CNIH3: variants seen among roughly 807,000 people sequenced by gnomAD.
CNIH3 encodes protein cornichon homolog 3.
In CNIH3, 14 loss-of-function variants were observed where a neutral mutation model predicts 24.1. The observed-to-expected ratio is 0.58, with a 90% confidence interval of 0.38 to 0.91. The LOEUF is 0.91. Ranked by LOEUF, CNIH3 falls within the 40% of genes least tolerant of loss-of-function variation. The pLI is 0.00. For synonymous variants in CNIH3, 68 were observed against 73.8 expected (o/e 0.92, Z 0.40); for missense variants, 178 against 196.8 (o/e 0.90, Z 0.57).
chr1:224,563,048 GGTAT>G (rs1206675786), intron 3 of CNIH3, among the ~76,000 whole-genome samples: 1 of 152,134 alleles, frequency 6.6e-6, no homozygotes, highest in Admixed American at 6.5e-5. Context: ...TCCACTCCTA[GGTAT>G]GGAAGTGCCT....
At chr1:224,712,707 T>C (rs1688221015) in intron 3 of CNIH3, among the ~76,000 whole-genome samples, 1 of 152,208 alleles carries the variant, frequency 6.6e-6, no homozygotes, top group African/African-American at 2.4e-5. Context: ...GGGGACTCAC[T>C]TTGAAATCTC....
chr1:224,668,674 AG>A (rs1460362631), intron 1 of CNIH3, among the ~76,000 whole-genome samples: 1 of 152,164 alleles, frequency 6.6e-6, no homozygotes, highest in Non-Finnish European at 1.5e-5. Flanking sequence ...CAGAAGAAGG[AG>A]GGAGGCTGAA....
chr1:224,583,331 G>T (rs1681357245), intron 5 of CNIH3: 1 of 152,328 alleles, frequency 6.6e-6, no homozygotes, highest in Admixed American at 6.6e-5. Context: ...TTTGGGAGAG[G>T]GCCATGCCGG....
At chr1:224,666,033 C>A (rs902368998) in intron 1 of CNIH3, among the ~76,000 whole-genome samples, 2 of 152,070 alleles carry the variant, frequency 1.3e-5, no homozygotes, top group East Asian at 3.9e-4. Context: ...GGCAGCTTTC[C>A]CAAGGAGTTC....
chr1:224,583,669 G>A (rs922120315), intron 5 of CNIH3, among the ~76,000 whole-genome samples: 1 of 152,136 alleles, frequency 6.6e-6, no homozygotes, highest in Non-Finnish European at 1.5e-5. Flanking sequence ...CAATGCTGGG[G>A]CTCCTACCAT....
intron 2 of CNIH3, among the ~76,000 whole-genome samples, chr1:224,532,035 G>A (rs553039611): frequency 6.6e-6 from 1 of 152,156 alleles, no homozygotes; most frequent in African/African-American, 2.4e-5. Context: ...GGGGTGGGAG[G>A]GAAGTCAGAC....
chr1:224,506,083 A>G (rs1427666999), intron 1 of CNIH3, among the ~76,000 whole-genome samples: 3 of 152,174 alleles, frequency 2.0e-5, no homozygotes, highest in Non-Finnish European at 2.9e-5. Context: ...TGGTTTATAC[A>G]ATACTGAACA....
intron 1 of CNIH3, among the ~76,000 whole-genome samples, chr1:224,636,066 A>G (rs1269919418): frequency 6.6e-6 from 1 of 152,208 alleles, no homozygotes; most frequent in African/African-American, 2.4e-5. Context: ...ACAATACAGC[A>G]AGCCAAAACC....
At chr1:224,729,909 C>T (rs768277971) in intron 3 of CNIH3, among the ~76,000 whole-genome samples, 3 of 152,182 alleles carry the variant, frequency 2.0e-5, no homozygotes, top group Admixed American at 2.0e-4. Context: ...GTTTTTCTCG[C>T]GTTCCTCTTG....
At chr1:224,498,087 A>G (rs1558108960) in intron 1 of CNIH3, among the ~76,000 whole-genome samples, 1 of 152,208 alleles carries the variant, frequency 6.6e-6, no homozygotes, top group Non-Finnish European at 1.5e-5. Flanking sequence ...ATTCTGCAGC[A>G]GCAGTGCCTT....
intron 3 of CNIH3, among the ~76,000 whole-genome samples, chr1:224,714,133 G>T (rs1466432666): frequency 6.6e-6 from 1 of 152,106 alleles, no homozygotes; most frequent in Non-Finnish European, 1.5e-5. Flanking sequence ...ACTTTTAATT[G>T]GTGTATAACA....
upstream of CNIH3, among the ~76,000 whole-genome samples, chr1:224,612,312 GT>G (rs890908604): frequency 3.6e-4 from 54 of 151,624 alleles, 1 homozygote; most frequent in South Asian, 5.6e-3. The surrounding 1 kb of genome is among the most constrained non-coding windows in gnomAD (Gnocchi z 4.7). Context: ...CTTGGGGCCA[GT>G]TTTTTTTTCT....
intron 4 of CNIH3, among the ~76,000 whole-genome samples, chr1:224,566,597 T>G (rs1390784748): frequency 6.6e-6 from 1 of 152,184 alleles, no homozygotes; most frequent in Non-Finnish European, 1.5e-5. Flanking sequence ...CAACTCCCAC[T>G]TATGAGTGAG....
intron 5 of CNIH3, among the ~76,000 whole-genome samples, chr1:224,739,015 C>T (rs969917343): frequency 3.9e-5 from 6 of 152,126 alleles, no homozygotes; most frequent in African/African-American, 1.4e-4. Flanking sequence ...CCAGACCTGC[C>T]CTGCAATTGC....
chr1:224,545,060 C>T lies in CNIH3; in HGVS notation n.340-1769C>T, dbSNP rs78237047. Among the ~76,000 whole-genome samples, 20 of 152,328 alleles carry T rather than the reference C, an allele frequency of 1.3e-4. 1 individual carries two copies. Among genetic ancestry groups the T allele is most frequent in the Admixed American group, 4.6e-4 (7 of 15,300 alleles). On this transcript the variant is annotated intron_variant and non_coding_transcript_variant, in intron 2 of 5. Transcript: ENST00000471578. ...TTGCCCCTGATACCAGAGCAGATCA[C>T]GCTGAGCTCACTCTCAAAGCCATTG...
chr1:224,516,282 C>T (rs968613949), intron 1 of CNIH3, among the ~76,000 whole-genome samples: 5 of 145,378 alleles, frequency 3.4e-5, no homozygotes, highest in African/African-American at 1.3e-4. Flanking sequence ...CCACTGCATT[C>T]CCGCCTGGCG....
At chr1:224,569,381 C>T (rs1043124454) in intron 4 of CNIH3, among the ~76,000 whole-genome samples, 51 of 152,192 alleles carry the variant, frequency 3.4e-4, no homozygotes, top group Middle Eastern at 3.4e-3. Context: ...AATTATATGG[C>T]GCTAGAGCAT....
intron 5 of CNIH3, among the ~76,000 whole-genome samples, chr1:224,735,134 A>G (rs1254041699): frequency 1.3e-5 from 2 of 152,154 alleles, no homozygotes; most frequent in African/African-American, 4.8e-5. Context: ...GAACCATAAC[A>G]GAGGCCCCAA....
chr1:224,507,526 G>A (rs552513138), intron 1 of CNIH3, among the ~76,000 whole-genome samples: 2 of 152,140 alleles, frequency 1.3e-5, no homozygotes, highest in Non-Finnish European at 2.9e-5. Context: ...ATGTGTATGC[G>A]ATCTTTCTCT....
Sources: allele counts gnomAD v4.1 joint callset (sites outside exome capture counted in the v4.1 genomes callset), GRCh38; gene constraint gnomAD v4.1.1; non-coding constraint Gnocchi (gnomAD v3.1); transcripts MANE v1.5; gene names NCBI Gene and HGNC (gene_info 2026-07-23, HGNC 2026-07-21).